Variants in PAIP2 observed in about 807,000 individuals in gnomAD.
PAIP2 encodes poly(A) binding protein interacting protein 2.
In PAIP2, 7 loss-of-function variants were observed where a neutral mutation model predicts 14.8. The observed-to-expected ratio is 0.47, with a 90% CI of 0.27 to 0.89. PAIP2 has a LOEUF of 0.89. PAIP2 is among the 40% of genes least tolerant of loss of function. The pLI is 0.13. For missense variants in PAIP2, 122 were observed against 154.7 expected (o/e 0.79, Z 1.12); for synonymous variants, 47 against 45.3 (o/e 1.04, Z -0.15).
At chr5:139,357,280 G>A (rs1232134331) in intron 1 of PAIP2, among the ~76,000 whole-genome samples, 1 of 152,200 alleles carries the variant, frequency 6.6e-6, no homozygotes, top group South Asian at 2.1e-4. Flanking sequence ...GCTCAGCACT[G>A]ACATGCCTAT....
chr5:139,343,072 A>T (rs1756431441), intron 1 of PAIP2: 2 of 152,220 alleles, frequency 1.3e-5, no homozygotes, highest in Non-Finnish European at 2.9e-5. Context: ...TATTTTCATT[A>T]AGTCGCTTTT....
In PAIP2 at chr5:139,365,968, G is replaced by A. The variant is rs114191976; in HGVS notation, c.318+1225G>A. ...TGTAATCCCAACACTTTGGGACGCC[G>A]AGGCACGCGGATCACGAGGTCAAGA... On this transcript the variant is annotated intron_variant, in intron 3 of 3. Transcript: ENST00000265192. Among the ~76,000 whole-genome samples, 514 of 152,228 alleles carry A rather than the reference G, an allele frequency of 3.4e-3. 1 individual carries two copies. Among genetic ancestry groups the A allele is most frequent in the African/African-American group, 0.011 (452 of 41,532 alleles).
At chr5:139,368,650 G>A (rs1757453077) in intron 3 of PAIP2, 83 bp from the exon 4 acceptor site, 10 of 885,720 alleles carry the variant, frequency 1.1e-5, no homozygotes, top group Admixed American at 2.2e-5. Context: ...TTTTTTGGAA[G>A]ATGTTTTTGC....
In PAIP2 at chr5:139,368,743, A is replaced by G. The variant is rs151272131; in HGVS notation, c.329A>G (p.Asn110Ser). Residue 110 changes from asparagine (N) to serine (S), a missense_variant, in exon 4 of 4, where the codon AAT (asparagine) becomes AGT (serine). This residue lies in a region of PAIP2 where 46 missense variants were observed against 44.0 expected (regional missense o/e 1.05). Coordinates refer to ENST00000265192, the MANE Select transcript of PAIP2 (RefSeq NM_016480.5). The part of the protein sequence containing the change: ...SSLEDLVVKS[N>S]LNPNAKEFVP... ...GTACTTATTTTCCAGGTCAAGAGCAATCTGAATCCAAATGCAAAGGAGTTT... is the reference window on the plus strand; with the variant it reads ...GTACTTATTTTCCAGGTCAAGAGCAGTCTGAATCCAAATGCAAAGGAGTTT... 6.2e-6 allele frequency: 10 copies of G among 1,612,974 alleles called. No homozygotes were observed. Among genetic ancestry groups the G allele is most frequent in the African/African-American group, 5.3e-5 (4 of 74,890 alleles).
At chr5:139,351,367 G>A (rs1278544058) in intron 1 of PAIP2, among the ~76,000 whole-genome samples, 11 of 151,948 alleles carry the variant, frequency 7.2e-5, no homozygotes, top group Admixed American at 7.2e-4. Flanking sequence ...GCAAAAAGTG[G>A]GAACATAAAT....
intron 1 of PAIP2, among the ~76,000 whole-genome samples, chr5:139,356,004 G>T (rs1276688325): frequency 6.6e-6 from 1 of 152,202 alleles, no homozygotes; most frequent in East Asian, 1.9e-4. Flanking sequence ...CAGACATGGT[G>T]TTGGGTGCCT....
intron 1 of PAIP2, among the ~76,000 whole-genome samples, chr5:139,361,461 G>C (rs1050841972): frequency 1.3e-5 from 2 of 152,152 alleles, no homozygotes; most frequent in South Asian, 4.1e-4. Flanking sequence ...TTGAGTTTAC[G>C]TACAGGTGAA....
chr5:139,360,516 A>G (rs1197996212), intron 1 of PAIP2, among the ~76,000 whole-genome samples: 4 of 151,754 alleles, frequency 2.6e-5, no homozygotes, highest in Admixed American at 2.0e-4. Flanking sequence ...TTTTCAAGAT[A>G]GGGTCTTGCT....
At chr5:139,353,402 T>G (rs534253955) in intron 1 of PAIP2, among the ~76,000 whole-genome samples, 1 of 152,258 alleles carries the variant, frequency 6.6e-6, no homozygotes, top group East Asian at 1.9e-4. Context: ...AGACATTTGT[T>G]TCTGGCTATT....
At position 139,364,672 on chromosome 5, in the gene PAIP2, A is replaced by G. The variant is rs747928726; in HGVS notation, c.247A>G (p.Thr83Ala). 1 of 1,612,818 alleles carries G rather than the reference A, an allele frequency of 6.2e-7. No individual in the cohort carries two copies. Among genetic ancestry groups the G allele is most frequent in the Non-Finnish European group, 8.5e-7 (1 of 1,178,820 alleles). The change falls in exon 3 of 4, where the codon ACT becomes GCT. Residue 83 changes from threonine to alanine, a missense_variant. Physicochemically the swap from Thr to Ala is moderately conservative, Grantham distance 58 (BLOSUM62 0). This residue lies in a region of PAIP2 where 34 missense variants were observed against 74.0 expected (regional missense o/e 0.46). Transcript: ENST00000265192. ...TATTCCAGCTCGAGATCTCCCACAA[A>G]CTATGGACCAAATCCAAGACCAGTT... ...WFIPARDLPQ[T>A]MDQIQDQFND...
chr5:139,348,996 A>G (rs188215272), intron 1 of PAIP2, among the ~76,000 whole-genome samples: 24 of 152,184 alleles, frequency 1.6e-4, no homozygotes, highest in Non-Finnish European at 2.5e-4. Context: ...ATTTAGTAAA[A>G]TATAAATGGA....
chr5:139,344,897 A>G (rs1359964716), intron 1 of PAIP2, among the ~76,000 whole-genome samples: 3 of 152,060 alleles, frequency 2.0e-5, no homozygotes, highest in Admixed American at 2.0e-4. Flanking sequence ...GTTAATGCCA[A>G]TTGTTATGTG....
intron 1 of PAIP2, among the ~76,000 whole-genome samples, chr5:139,347,396 CCTG>C (rs1331774263): frequency 6.6e-6 from 1 of 151,526 alleles, no homozygotes; most frequent in Non-Finnish European, 1.5e-5. Flanking sequence ...GCCTCAGCCT[CCTG>C]AGTAGCTGAC....
chr5:139,343,236 G>T lies in PAIP2; in HGVS notation c.-27+1256G>T, dbSNP rs552275325. Reference sequence around the variant, plus strand: ...ATTAGTCTGTTTATACTACTTGTCAGTTGTGAACTTGAATAAAACTTTTTC... The same window carrying T: ...ATTAGTCTGTTTATACTACTTGTCATTTGTGAACTTGAATAAAACTTTTTC... On this transcript the variant is annotated intron_variant, in intron 1 of 3. Transcript: ENST00000265192. 2.6e-5 allele frequency: 4 copies of T among 152,334 alleles called. No homozygotes were observed. In the South Asian group the frequency reaches 6.2e-4, roughly 24 times the overall value. 9.4% of individuals were successfully genotyped at this position (152,334 alleles called of 1,614,324 possible).
At chr5:139,355,566 C>T (rs192676649) in intron 1 of PAIP2, among the ~76,000 whole-genome samples, 8 of 152,240 alleles carry the variant, frequency 5.3e-5, no homozygotes, top group Non-Finnish European at 5.9e-5. Context: ...TTTTAACATA[C>T]TTAATATACT....
intron 1 of PAIP2, among the ~76,000 whole-genome samples, chr5:139,354,420 C>T (rs1012285199): frequency 1.3e-5 from 2 of 152,024 alleles, no homozygotes; most frequent in Non-Finnish European, 2.9e-5. Flanking sequence ...TAATGAGTTG[C>T]TTCTCTTGGT....
rs146683814 is a variant in PAIP2, at chr5:139,362,808, G to A, written c.-26-951G>A. ...ACCTGCCCCCGCCTCCCAAAGTGCC[G>A]GGATTATAGGCATGAGCCACTGCAC... On this transcript the variant is annotated intron_variant, in intron 1 of 3. Coordinates refer to ENST00000265192, the MANE Select transcript of PAIP2 (RefSeq NM_016480.5). Among the ~76,000 whole-genome samples the A allele has an allele frequency of 5.5e-4, 84 of 152,110 alleles. 1 individual carries two copies. Among genetic ancestry groups the A allele is most frequent in the African/African-American group, 1.9e-3 (77 of 41,478 alleles).
intron 1 of PAIP2, among the ~76,000 whole-genome samples, chr5:139,361,684 C>T (rs1757070456): frequency 6.6e-6 from 1 of 152,106 alleles, no homozygotes; most frequent in South Asian, 2.1e-4. Context: ...ATGGCTCATG[C>T]ATGTAATCCC....
At chr5:139,346,455 T>C in intron 1 of PAIP2, among the ~76,000 whole-genome samples, 1 of 150,916 alleles carries the variant, frequency 6.6e-6, no homozygotes, top group African/African-American at 2.4e-5. Flanking sequence ...GCCAGGATGG[T>C]CTCAATCTCT....
Sources: gnomAD v4.1 joint callset for allele counts (sites outside exome capture counted in the v4.1 genomes callset) on GRCh38, gnomAD v4.1.1 for gene constraint, gnomAD v4.1.1 regional missense constraint, MANE v1.5 for transcripts, NCBI Gene and HGNC (gene_info 2026-07-23, HGNC 2026-07-21) for gene names.